MAP2K3: variants seen among roughly 807,000 people sequenced by gnomAD.
MAP2K3 encodes mitogen-activated protein kinase kinase 3.
Under a neutral mutation model 46.4 loss-of-function variants are expected in MAP2K3, and 30 were observed. The ratio of observed to expected loss-of-function variants is 0.65; its 90% CI spans 0.48 to 0.88. The LOEUF is 0.88. Among genes scored for constraint, MAP2K3 ranks in the 40% least tolerant of loss-of-function variants. MAP2K3 has a pLI of 0.00. For synonymous variants in MAP2K3, 189 were observed against 176.3 expected (o/e 1.07, Z -0.57); for missense variants, 380 against 464.5 (o/e 0.82, Z 1.67).
rs1252212211 is a variant in MAP2K3 at position 21,300,639 on chromosome 17, G to T, written c.260G>T (p.Gly87Val). ...GAGAAGGTGCGGCACGCCCAGAGCG[G>T]CACCATCATGGCCGTGAAGGTGAGC... ...VVEKVRHAQS[G>V]TIMAVKRIRA... is the part of the protein sequence containing the mutation. Residue 87 changes from glycine (G) to valine (V), a missense_variant, in exon 4 of 12, where the codon GGC (glycine) becomes GTC (valine). Coordinates refer to ENST00000342679, the MANE Select transcript of MAP2K3 (RefSeq NM_145109.3). 6.2e-7 allele frequency: 1 copy of T among 1,610,588 alleles called. No individual in the cohort carries two copies. Among genetic ancestry groups the T allele is most frequent in the East Asian group, 2.2e-5 (1 of 44,810 alleles).
intron 1 of MAP2K3, among the ~76,000 whole-genome samples, chr17:21,293,375 CA>C (rs561149196): frequency 4.6e-5 from 7 of 152,416 alleles, no homozygotes; most frequent in African/African-American, 1.7e-4. Flanking sequence ...CCCTCCAAAG[CA>C]CAAGTGGTTC....
At chr17:21,289,968 G>T (rs1284957519) in intron 1 of MAP2K3, among the ~76,000 whole-genome samples, 1 of 152,128 alleles carries the variant, frequency 6.6e-6, no homozygotes, top group African/African-American at 2.4e-5. Context: ...CTGCCATGTG[G>T]CCCATGGCCG....
chr17:21,303,696 G>A (rs1164224914), intron 7 of MAP2K3, among the ~76,000 whole-genome samples: 3 of 152,310 alleles, frequency 2.0e-5, no homozygotes, highest in Non-Finnish European at 2.9e-5. Context: ...CATCAGCCTC[G>A]CTTGATGTTT....
At chr17:21,303,106 C>A (rs747711862) in intron 6 of MAP2K3, 77 bp from the exon 7 acceptor site, 113 of 1,588,538 alleles carry the variant, frequency 7.1e-5, no homozygotes, top group Non-Finnish European at 9.5e-5. Context: ...TGGATGGGGT[C>A]TTACTGCTCT....
At chr17:21,301,401 G>A (rs1314858416) in intron 5 of MAP2K3, among the ~76,000 whole-genome samples, 2 of 152,310 alleles carry the variant, frequency 1.3e-5, no homozygotes, top group African/African-American at 4.8e-5. Context: ...ACAGGATGGG[G>A]TGTGTGCTGA....
At chr17:21,286,562 G>C (rs1975729199) in intron 1 of MAP2K3, among the ~76,000 whole-genome samples, 1 of 152,344 alleles carries the variant, frequency 6.6e-6, no homozygotes, top group South Asian at 2.1e-4. Context: ...GAGGTGTCTG[G>C]GGAGGGACTT....
rs770045688 is a variant in MAP2K3 at position 21,302,149 on chromosome 17, G to A, written c.406G>A (p.Val136Met). The change falls in exon 6 of 12, where the codon GTG becomes ATG. Residue 136 changes from valine (V) to methionine (M), a missense_variant. Physicochemically the swap from Val to Met is conservative, Grantham distance 21. Coordinates refer to ENST00000342679, the MANE Select transcript of MAP2K3 (RefSeq NM_145109.3). ...FYGALFREGD[V>M]WICMELMDTS... Reference sequence around the variant, plus strand: ...CTCTGGGTGTCACCCACAGGGAGACGTGTGGATCTGCATGGAGCTCATGGA... The same window carrying A: ...CTCTGGGTGTCACCCACAGGGAGACATGTGGATCTGCATGGAGCTCATGGA... 1.9e-6 allele frequency: 3 copies of A among 1,614,112 alleles called. No homozygotes were observed. Among genetic ancestry groups the A allele is most frequent in the Non-Finnish European group, 2.5e-6 (3 of 1,180,012 alleles).
intron 9 of MAP2K3, among the ~76,000 whole-genome samples, chr17:21,309,691 G>A (rs1202513336): frequency 6.6e-6 from 1 of 152,048 alleles, no homozygotes; most frequent in Non-Finnish European, 1.5e-5. Context: ...TCGGCTTACT[G>A]CAACCTCCGC....
intron 1 of MAP2K3, among the ~76,000 whole-genome samples, chr17:21,289,820 A>G (rs1396073745): frequency 1.3e-5 from 2 of 152,024 alleles, no homozygotes; most frequent in African/African-American, 4.8e-5. Flanking sequence ...TCTTCCCCTG[A>G]CCCCAGTCCT....
chr17:21,285,154 C>G (rs1178921731), intron 1 of MAP2K3, 185 bp downstream of exon 1: 2 of 880,552 alleles, frequency 2.3e-6, no homozygotes, highest in African/African-American at 1.8e-5. Context: ...CCTGGACCCC[C>G]ACGTTAGGCC....
Position 21,311,939 on chromosome 17 carries a change from G to C in MAP2K3, c.775-203G>C, listed in dbSNP as rs1055048064. ...GAATCTGCTTCCTGAGCTGGGTCCTGCTGGCTGGGTCGGAGGAGCTAAGAG... is the reference window on the plus strand; with the variant it reads ...GAATCTGCTTCCTGAGCTGGGTCCTCCTGGCTGGGTCGGAGGAGCTAAGAG... On this transcript the variant is annotated intron_variant, in intron 9 of 11. Transcript: ENST00000342679. The C allele has an allele frequency of 1.0e-5, 5 of 498,922 alleles. No homozygotes were observed. The African/African-American group carries it at 1.0e-4, about 10-fold the overall frequency. 30.9% of individuals were successfully genotyped at this position (498,922 alleles called of 1,614,324 possible).
intron 1 of MAP2K3, among the ~76,000 whole-genome samples, chr17:21,297,550 G>C (rs1976327566): frequency 6.6e-6 from 1 of 152,310 alleles, no homozygotes; most frequent in South Asian, 2.1e-4. Flanking sequence ...TGCTTCTCCT[G>C]CCTGTGGAAT....
At chr17:21,293,273 C>T (rs1597804363) in intron 1 of MAP2K3, among the ~76,000 whole-genome samples, 1 of 152,312 alleles carries the variant, frequency 6.6e-6, no homozygotes. Context: ...TTTCACGTGC[C>T]TTGTGCCCCA....
chr17:21,290,463 A>G (rs566287031), intron 1 of MAP2K3, among the ~76,000 whole-genome samples: 1 of 152,306 alleles, frequency 6.6e-6, no homozygotes, highest in Non-Finnish European at 1.5e-5. Context: ...TCGTTGGGAA[A>G]GTCTGCAGGG....
intron 6 of MAP2K3, among the ~76,000 whole-genome samples, 193 bp downstream of exon 6, chr17:21,302,452 G>A (rs1421495394): frequency 6.6e-6 from 1 of 152,310 alleles, no homozygotes; most frequent in African/African-American, 2.4e-5. Context: ...GTGCTTAGGA[G>A]ACCTCCGCTC....
intron 5 of MAP2K3, 123 bp downstream of exon 5, chr17:21,301,116 G>C (rs36191822): frequency 5.0e-5 from 71 of 1,422,034 alleles, no homozygotes; most frequent in Non-Finnish European, 6.6e-5. Context: ...CTGGCAGGAG[G>C]CTCCCCCGTC....
intron 6 of MAP2K3, among the ~76,000 whole-genome samples, chr17:21,302,622 T>C (rs1277699745): frequency 2.0e-5 from 3 of 152,424 alleles, no homozygotes; most frequent in Middle Eastern, 6.8e-3. Flanking sequence ...ACAAGCTAAG[T>C]TGGGGGAAAG....
intron 1 of MAP2K3, among the ~76,000 whole-genome samples, chr17:21,286,133 T>G (rs1975716288): frequency 6.6e-6 from 1 of 152,106 alleles, no homozygotes; most frequent in Non-Finnish European, 1.5e-5. Flanking sequence ...GGGAGTGTGG[T>G]GTGGGGTGGT....
Position 21,302,040 on chromosome 17 carries a change from C to CAA in MAP2K3, c.400-103_400-102insAA, listed in dbSNP as rs1300188390. ...TGTGGCTGAGTGGGTGGGCACACGT[C>CAA]GGAGAGGGGGCTGGGGCTGGGGCTG... is the stretch of plus-strand genomic sequence containing the variant. On this transcript the variant is annotated intron_variant, in intron 5 of 11. Transcript: ENST00000342679. 1.3e-5 allele frequency: 16 copies of CAA among 1,195,616 alleles called. No homozygotes were observed. The East Asian group carries it at 2.8e-4, about 21-fold the overall frequency. The allele number at this position is 1,195,616 out of a possible 1,614,324, so 74.1% of individuals were successfully genotyped here. A position where few individuals can be genotyped will look rare whatever the true frequency, so the allele number is the denominator to read the frequency against.
Sources: allele counts gnomAD v4.1 joint callset (sites outside exome capture counted in the v4.1 genomes callset), GRCh38; gene constraint gnomAD v4.1.1; transcripts MANE v1.5; gene names NCBI Gene and HGNC (gene_info 2026-07-23, HGNC 2026-07-21).